The following CLASP1 variants were observed in gnomAD, a reference collection of about 807,000 sequenced individuals.
CLASP1 encodes cytoplasmic linker associated protein 1.
In CLASP1, 38 loss-of-function variants were observed where a neutral mutation model predicts 192.3. The observed-to-expected ratio is 0.20, with a 90% CI of 0.15 to 0.26. CLASP1 has a LOEUF of 0.26. Among genes scored for constraint, CLASP1 ranks in the 10% least tolerant of loss-of-function variants. The pLI is 1.00. For synonymous variants in CLASP1, 691 were observed against 712.8 expected (o/e 0.97, Z 0.49); for missense variants, 1,433 against 1,932.5 (o/e 0.74, Z 4.85).
intron 2 of CLASP1, among the ~76,000 whole-genome samples, chr2:121,569,031 C>T (rs2059753891): frequency 6.6e-6 from 1 of 151,794 alleles, no homozygotes; most frequent in Non-Finnish European, 1.5e-5. Context: ...TGTTCAATCC[C>T]TCATTATGTT....
chr2:121,358,173 TA>T (rs956709834), intron 37 of CLASP1, among the ~76,000 whole-genome samples: 1 of 152,178 alleles, frequency 6.6e-6, no homozygotes, highest in Admixed American at 6.5e-5. Context: ...GTCTTTTTAT[TA>T]AAAAGCAAAA....
chr2:121,412,561 C>A (rs2077894373), intron 23 of CLASP1, among the ~76,000 whole-genome samples: 1 of 150,184 alleles, frequency 6.7e-6, no homozygotes, highest in Non-Finnish European at 1.5e-5. Context: ...TAAAAAATTA[C>A]CCAGCATAAA....
rs147099441 is a variant in CLASP1, at chr2:121,511,790, G to A, written c.644+3875C>T. Among the ~76,000 whole-genome samples, 145 of 152,256 alleles carry A rather than the reference G, an allele frequency of 9.5e-4. 1 individual carries two copies. Among genetic ancestry groups the A allele is most frequent in the African/African-American group, 3.3e-3 (138 of 41,550 alleles). ...AAAAAGGCAGAAAGAGTGAGGAACT[G>A]TCTTTTCAAAAATGTATCTTATAAA... On this transcript the variant is annotated intron_variant, in intron 7 of 39. Transcript: ENST00000263710.
At chr2:121,626,354 T>C (rs35638964) in intron 1 of CLASP1, among the ~76,000 whole-genome samples, 29,316 of 152,222 alleles carry the variant, frequency 0.19, 5,054 homozygotes, top group African/African-American at 0.46. Context: ...CCAATAGTTT[T>C]AAATTTGGCT....
At position 121,479,056 on chromosome 2, in the gene CLASP1, CCA is replaced by C. The variant is rs1175265144; in HGVS notation, c.713-9098_713-9097del. On this transcript the variant is annotated intron_variant, in intron 8 of 39. Coordinates refer to ENST00000263710, the Ensembl canonical transcript of CLASP1. ...CCCCACACACACACACACCCCCCCC[CCA>C]CACACACACACACACACCATCAACA... Among the ~76,000 whole-genome samples the C allele has an allele frequency of 1.9e-3, 189 of 101,174 alleles. 10 individuals carry two copies. Among genetic ancestry groups the C allele is most frequent in the African/African-American group, 8.1e-3 (178 of 21,946 alleles). 66.4% of individuals were successfully genotyped at this position (101,174 alleles called of 152,430 possible).
intron 8 of CLASP1, among the ~76,000 whole-genome samples, chr2:121,494,204 T>A (rs2093436368): frequency 6.6e-6 from 1 of 152,152 alleles, no homozygotes; most frequent in African/African-American, 2.4e-5. Context: ...AACCTAAGTG[T>A]CCATCAACAG....
intron 1 of CLASP1, among the ~76,000 whole-genome samples, chr2:121,634,156 G>A (rs775935979): frequency 3.9e-5 from 6 of 152,124 alleles, no homozygotes; most frequent in Non-Finnish European, 8.8e-5. Flanking sequence ...ATAGTAGCAC[G>A]CTTAATACAC....
At chr2:121,399,695 T>C (rs564950949) in intron 28 of CLASP1, among the ~76,000 whole-genome samples, 1 of 152,194 alleles carries the variant, frequency 6.6e-6, no homozygotes, top group Admixed American at 6.5e-5. Context: ...CTACTGAGAT[T>C]AGGACTCTTA....
intron 26 of CLASP1, chr2:121,403,777 T>C (rs768408131): frequency 2.1e-6 from 1 of 468,628 alleles, no homozygotes; most frequent in South Asian, 1.5e-5. Flanking sequence ...CAGCTGGGAC[T>C]CTCTCATCAA....
chr2:121,641,719 C>T (rs1302492469), intron 1 of CLASP1, among the ~76,000 whole-genome samples: 1 of 152,178 alleles, frequency 6.6e-6, no homozygotes, highest in Non-Finnish European at 1.5e-5. Flanking sequence ...GTACCAGCTA[C>T]ACCTCATATA....
rs562936856 is a variant in CLASP1, at chr2:121,345,133, C to T, written c.4530+1905G>A. Reference sequence around the variant, plus strand: ...CTGCACTCCAGCCTGGGTGACAGAGCGAGGCTCCATATAAAAATAATAACA... The same window carrying T: ...CTGCACTCCAGCCTGGGTGACAGAGTGAGGCTCCATATAAAAATAATAACA... On this transcript the variant is annotated intron_variant, in intron 39 of 39. Coordinates refer to ENST00000263710, the Ensembl canonical transcript of CLASP1. Among the ~76,000 whole-genome samples the T allele has an allele frequency of 4.0e-4, 61 of 152,278 alleles. 1 individual carries two copies. Among genetic ancestry groups the T allele is most frequent in the Admixed American group, 7.2e-4 (11 of 15,302 alleles).
chr2:121,370,668 C>T (rs2068453116), intron 34 of CLASP1, among the ~76,000 whole-genome samples: 1 of 152,096 alleles, frequency 6.6e-6, no homozygotes, highest in South Asian at 2.1e-4. Context: ...CTGCTCGAGG[C>T]CACATTCTCC....
chr2:121,461,551 AAC>A (rs1191417432), intron 10 of CLASP1, among the ~76,000 whole-genome samples: 2 of 152,194 alleles, frequency 1.3e-5, no homozygotes, highest in Admixed American at 1.3e-4. Context: ...TATAAATTTA[AAC>A]AGTTTCAAAT....
intron 26 of CLASP1, 21 bp downstream of exon 27, chr2:121,404,350 C>A (rs749690298): frequency 1.2e-6 from 2 of 1,609,272 alleles, no homozygotes; most frequent in Non-Finnish European, 1.7e-6. Flanking sequence ...AAAGACAGGG[C>A]AGGCATGACT....
At chr2:121,395,622 C>T (rs2075155126) in intron 30 of CLASP1, among the ~76,000 whole-genome samples, 1 of 152,222 alleles carries the variant, frequency 6.6e-6, no homozygotes, top group Non-Finnish European at 1.5e-5. Context: ...CTTATGCAAA[C>T]TGCATCCATA....
At chr2:121,526,692 C>T (rs2094583146) in intron 5 of CLASP1, among the ~76,000 whole-genome samples, 1 of 151,800 alleles carries the variant, frequency 6.6e-6, no homozygotes, top group South Asian at 2.1e-4. Context: ...TTAAAAATAA[C>T]ATAACTTTAC....
intron 2 of CLASP1, among the ~76,000 whole-genome samples, chr2:121,560,829 G>A (rs2059013843): frequency 6.6e-6 from 1 of 152,204 alleles, no homozygotes; most frequent in African/African-American, 2.4e-5. Flanking sequence ...CTGCCTCCCA[G>A]GTTCAAGCAA....
chr2:121,479,354 A>C (rs1438735526), intron 8 of CLASP1, among the ~76,000 whole-genome samples: 1 of 152,234 alleles, frequency 6.6e-6, no homozygotes, highest in African/African-American at 2.4e-5. Flanking sequence ...ATATAAAACC[A>C]ATATTTAAAA....
intron 1 of CLASP1, among the ~76,000 whole-genome samples, chr2:121,630,183 C>T (rs547157776): frequency 6.6e-6 from 1 of 152,124 alleles, no homozygotes; most frequent in Non-Finnish European, 1.5e-5. Context: ...GCCTCCCAAA[C>T]TGCTGGGATT....
Sources: allele counts gnomAD v4.1 joint callset (sites outside exome capture counted in the v4.1 genomes callset), GRCh38; gene constraint gnomAD v4.1.1; transcripts MANE v1.5; gene names NCBI Gene and HGNC (gene_info 2026-07-23, HGNC 2026-07-21).